Variants in NUDCD1 observed in about 807,000 individuals in gnomAD.
NUDCD1 encodes NudC domain containing 1, also known as nudC domain-containing protein 1.
In NUDCD1, 60 loss-of-function variants were observed where a neutral mutation model predicts 67.8. That is an observed-to-expected ratio of 0.88 (90% confidence interval 0.72 to 1.10). NUDCD1 has a LOEUF of 1.10. Ranked by LOEUF, NUDCD1 falls within the 50% of genes least tolerant of loss-of-function variation. The pLI, the probability that NUDCD1 is intolerant of heterozygous loss-of-function variation, is 0.00. For synonymous variants in NUDCD1, 244 were observed against 230.8 expected, an observed-to-expected ratio of 1.06 and a Z score of -0.52; for missense variants, 643 against 695.0, an observed-to-expected ratio of 0.93 and a Z score of 0.84.
intron 8 of NUDCD1, among the ~76,000 whole-genome samples, chr8:109,252,780 T>G (rs1813650949): frequency 6.6e-6 from 1 of 152,228 alleles, no homozygotes; most frequent in African/African-American, 2.4e-5. Context: ...AGCTGTTGGC[T>G]GCCCTGTAAG....
At chr8:109,301,515 G>A (rs896338785) in intron 2 of NUDCD1, among the ~76,000 whole-genome samples, 3 of 152,110 alleles carry the variant, frequency 2.0e-5, no homozygotes, top group African/African-American at 7.2e-5. Context: ...CCGAAGACCC[G>A]GGACAGGAGG....
intron 5 of NUDCD1, among the ~76,000 whole-genome samples, chr8:109,286,271 C>T (rs1405438124): frequency 6.6e-6 from 1 of 152,070 alleles, no homozygotes; most frequent in Non-Finnish European, 1.5e-5. Context: ...ATCAAACTAC[C>T]AATGTCATTT....
chr8:109,306,285 A>G (rs900301434), intron 2 of NUDCD1, among the ~76,000 whole-genome samples: 1 of 152,036 alleles, frequency 6.6e-6, no homozygotes, highest in African/African-American at 2.4e-5. Flanking sequence ...CACCCTGATG[A>G]AGTCCTATTC....
At chr8:109,310,042 C>G (rs1003098825) in intron 2 of NUDCD1, among the ~76,000 whole-genome samples, 2 of 152,012 alleles carry the variant, frequency 1.3e-5, no homozygotes, top group African/African-American at 4.8e-5. Flanking sequence ...GTGAAAATGA[C>G]CATACTGCCA....
chr8:109,270,001 T>A (rs1321336180), intron 8 of NUDCD1, among the ~76,000 whole-genome samples: 1 of 140,592 alleles, frequency 7.1e-6, no homozygotes, highest in Non-Finnish European at 1.5e-5. Context: ...CAGGCAGTCT[T>A]CTTCAGTATC....
chr8:109,276,536 T>C (rs75274351), intron 6 of NUDCD1, among the ~76,000 whole-genome samples: 94 of 152,352 alleles, frequency 6.2e-4, no homozygotes, highest in South Asian at 2.3e-3. Context: ...CACTACCTTA[T>C]GAATTACAGC....
chr8:109,258,562 T>C (rs571574508), intron 8 of NUDCD1, among the ~76,000 whole-genome samples: 73 of 152,272 alleles, frequency 4.8e-4, no homozygotes, highest in African/African-American at 1.7e-3. Flanking sequence ...TAGTAATTTA[T>C]GATAGCTGCT....
intron 2 of NUDCD1, among the ~76,000 whole-genome samples, chr8:109,299,629 G>T (rs1008738242): frequency 1.3e-5 from 2 of 152,136 alleles, no homozygotes; most frequent in African/African-American, 4.8e-5. Context: ...GCTCAGACAC[G>T]CCTAGCCCTG....
chr8:109,333,775 C>T, intron 1 of NUDCD1, 118 bp downstream of exon 1: 1 of 1,130,916 alleles, frequency 8.8e-7, no homozygotes, highest in Non-Finnish European at 1.3e-6. Context: ...TGAGTCCACG[C>T]AAGCCGCCAC....
intron 8 of NUDCD1, among the ~76,000 whole-genome samples, chr8:109,248,452 T>C (rs1813549914): frequency 6.6e-6 from 1 of 152,186 alleles, no homozygotes; most frequent in Non-Finnish European, 1.5e-5. Flanking sequence ...TAAATGAATG[T>C]TATGTAAAAA....
intron 1 of NUDCD1, among the ~76,000 whole-genome samples, chr8:109,327,380 T>C (rs1815703386): frequency 6.6e-6 from 1 of 152,184 alleles, no homozygotes; most frequent in African/African-American, 2.4e-5. Context: ...TTACGTGGCT[T>C]TTCCCTCCCT....
intron 8 of NUDCD1, among the ~76,000 whole-genome samples, chr8:109,256,553 T>C (rs946435308): frequency 1.3e-5 from 2 of 152,152 alleles, no homozygotes; most frequent in African/African-American, 2.4e-5. Flanking sequence ...ATGTAACACA[T>C]AGGAAGCCTA....
chr8:109,276,793 G>T (rs1312947595), intron 6 of NUDCD1, among the ~76,000 whole-genome samples: 2 of 152,016 alleles, frequency 1.3e-5, no homozygotes, highest in African/African-American at 4.8e-5. Flanking sequence ...GTAAGTAGCT[G>T]GGATTACAGG....
intron 8 of NUDCD1, among the ~76,000 whole-genome samples, chr8:109,260,789 G>GC (rs1368476788): frequency 6.6e-6 from 1 of 151,518 alleles, no homozygotes; most frequent in African/African-American, 2.4e-5. Flanking sequence ...CACATAAATT[G>GC]CAATATTTGC....
At chr8:109,300,635 C>T (rs1381627419) in intron 2 of NUDCD1, among the ~76,000 whole-genome samples, 1 of 152,140 alleles carries the variant, frequency 6.6e-6, no homozygotes, top group African/African-American at 2.4e-5. Context: ...AATCGGCATT[C>T]CTGTGGAAGA....
intron 8 of NUDCD1, among the ~76,000 whole-genome samples, chr8:109,265,935 C>T (rs76225775): frequency 0.024 from 3,686 of 152,134 alleles, 140 homozygotes; most frequent in African/African-American, 0.084. Context: ...TTGGGGACCC[C>T]TGTCTTAAGC....
At chr8:109,266,317 C>G (rs1180719415) in intron 8 of NUDCD1, among the ~76,000 whole-genome samples, 1 of 151,678 alleles carries the variant, frequency 6.6e-6, no homozygotes, top group Non-Finnish European at 1.5e-5. Flanking sequence ...GCTCCGCCTC[C>G]CAGGTTCACA....
At chr8:109,318,330 T>C (rs1171285722) in intron 2 of NUDCD1, among the ~76,000 whole-genome samples, 3 of 152,228 alleles carry the variant, frequency 2.0e-5, no homozygotes, top group African/African-American at 4.8e-5. Context: ...ATAAATGTTA[T>C]TGGCAAACTT....
intron 8 of NUDCD1, among the ~76,000 whole-genome samples, chr8:109,267,471 G>A (rs1814030122): frequency 6.6e-6 from 1 of 152,122 alleles, no homozygotes; most frequent in Non-Finnish European, 1.5e-5. Flanking sequence ...TAGCTATTGT[G>A]GAAAGTAGTT....
Sources: gnomAD v4.1 joint callset for allele counts (sites outside exome capture counted in the v4.1 genomes callset) on GRCh38, gnomAD v4.1.1 for gene constraint, MANE v1.5 for transcripts, NCBI Gene and HGNC (gene_info 2026-07-23, HGNC 2026-07-21) for gene names.